The following ZWILCH variants were observed in gnomAD, a reference collection of about 807,000 sequenced individuals.
The protein encoded by ZWILCH is zwilch kinetochore protein, also known as protein zwilch homolog.
A neutral mutation model predicts 79.9 loss-of-function variants in ZWILCH; 74 were observed. That is an observed-to-expected ratio of 0.93 (90% CI 0.77 to 1.12). The LOEUF is 1.12. Among genes scored for constraint, ZWILCH ranks in the 50% most tolerant of loss-of-function variants. The probability of loss-of-function intolerance (pLI) is 0.00; values close to 1 mark genes in which losing one functional copy is unlikely to be tolerated. For synonymous variants in ZWILCH, 241 were observed against 228.2 expected, an observed-to-expected ratio of 1.06 and a Z score of -0.51; for missense variants, 694 against 687.5, an observed-to-expected ratio of 1.01 and a Z score of -0.11.
intron 7 of ZWILCH, chr15:66,523,264 A>C (rs975491213): frequency 6.3e-6 from 1 of 159,542 alleles, no homozygotes; most frequent in Non-Finnish European, 1.4e-5. Flanking sequence ...TAGTTTAGTT[A>C]GAAGGAGTCT....
At chr15:66,523,558 G>C in intron 7 of ZWILCH, 119 bp from the exon 8 acceptor site, 1 of 639,382 alleles carries the variant, frequency 1.6e-6, no homozygotes, top group Non-Finnish European at 2.7e-6. Context: ...TCAATTCATT[G>C]GTCCTTTATG....
At chr15:66,507,558 A>T (rs1388341257) in intron 1 of ZWILCH, among the ~76,000 whole-genome samples, 2 of 152,154 alleles carry the variant, frequency 1.3e-5, no homozygotes, top group African/African-American at 4.8e-5. Context: ...CTAAATTTCT[A>T]CTATAGCTTC....
chr15:66,512,464 C>G (rs1187126693), intron 2 of ZWILCH, among the ~76,000 whole-genome samples: 2 of 151,448 alleles, frequency 1.3e-5, no homozygotes, highest in African/African-American at 4.9e-5. Flanking sequence ...TGTGTTGTAA[C>G]TAGTCTCAAA....
chr15:66,546,820 G>A (rs537156864), intron 18 of ZWILCH, 115 bp downstream of exon 18: 13 of 446,410 alleles, frequency 2.9e-5, no homozygotes, highest in East Asian at 1.5e-4. Flanking sequence ...GGGATTATTA[G>A]TAATCACATA....
chr15:66,539,387 G>A (rs149222914), intron 16 of ZWILCH, among the ~76,000 whole-genome samples: 1,743 of 123,370 alleles, frequency 0.014, 33 homozygotes, highest in African/African-American at 0.052. Context: ...CTGGGTGACA[G>A]AGCAAGACCC....
chr15:66,529,075 A>G, intron 11 of ZWILCH, 118 bp downstream of exon 11: 1 of 725,744 alleles, frequency 1.4e-6, no homozygotes, highest in Non-Finnish European at 2.3e-6. Context: ...TCTTAACTTT[A>G]TCTAATTCAT....
intron 4 of ZWILCH, among the ~76,000 whole-genome samples, chr15:66,516,870 C>G (rs1894282031): frequency 6.6e-6 from 1 of 152,140 alleles, no homozygotes; most frequent in African/African-American, 2.4e-5. Context: ...CATATTTGGC[C>G]TGTTTTCTCC....
At chr15:66,533,084 C>T in intron 14 of ZWILCH, 71 bp downstream of exon 14, 5 of 1,044,978 alleles carry the variant, frequency 4.8e-6, no homozygotes, top group South Asian at 3.3e-5. Context: ...TTATTAACTG[C>T]CAATAATATG....
At chr15:66,515,842 T>A (rs1894231193) in intron 4 of ZWILCH, among the ~76,000 whole-genome samples, 198 bp downstream of exon 4, 1 of 152,176 alleles carries the variant, frequency 6.6e-6, no homozygotes, top group Non-Finnish European at 1.5e-5. Flanking sequence ...ATACTGCACT[T>A]ATCTTCCCTT....
At chr15:66,537,488 C>G (rs945670056) in intron 16 of ZWILCH, among the ~76,000 whole-genome samples, 1 of 151,850 alleles carries the variant, frequency 6.6e-6, no homozygotes, top group Non-Finnish European at 1.5e-5. Flanking sequence ...GTCAGGAGTT[C>G]GAGACCAGCC....
At chr15:66,515,700 T>G (rs1894226139) in intron 4 of ZWILCH, 56 bp downstream of exon 4, 1 of 1,246,602 alleles carries the variant, frequency 8.0e-7, no homozygotes, top group African/African-American at 1.5e-5. Flanking sequence ...ATTGAAACAT[T>G]CTTATAAACG....
At chr15:66,513,540 G>T (rs1264676605) in intron 2 of ZWILCH, among the ~76,000 whole-genome samples, 2 of 151,564 alleles carry the variant, frequency 1.3e-5, no homozygotes, top group Non-Finnish European at 2.9e-5. Context: ...AATAGCCATT[G>T]CACTCCAGCC....
Position 66,550,003 on chromosome 15 carries a change from T to C in ZWILCH, c.*1679T>C, listed in dbSNP as rs769590955. 5.0e-6 allele frequency: 7 copies of C among 1,412,326 alleles called. No individual in the cohort carries two copies. The highest frequency in any genetic ancestry group is 6.8e-6 in the Non-Finnish European group (7 of 1,035,404). 87.5% of individuals were successfully genotyped at this position (1,412,326 alleles called of 1,614,324 possible). A position where few individuals can be genotyped will look rare whatever the true frequency, so the allele number is the denominator to read the frequency against. ...AAATGATATGTATAATTATTTAGTTTAATTATTAAAGGAAAACATTGAAAT... is the reference window on the plus strand; with the variant it reads ...AAATGATATGTATAATTATTTAGTTCAATTATTAAAGGAAAACATTGAAAT... On this transcript the variant is annotated 3_prime_UTR_variant, in exon 19 of 19. Transcript: ENST00000307897.
At chr15:66,522,364 C>T (rs1296587703) in intron 7 of ZWILCH, among the ~76,000 whole-genome samples, 21 of 145,356 alleles carry the variant, frequency 1.4e-4, no homozygotes, top group African/African-American at 4.4e-4. Flanking sequence ...GGCGGAGCCT[C>T]GCTCTGTCTG....
intron 4 of ZWILCH, among the ~76,000 whole-genome samples, chr15:66,516,064 C>G (rs1225638671): frequency 1.3e-5 from 2 of 152,216 alleles, no homozygotes; most frequent in African/African-American, 4.8e-5. Context: ...CCCCACTGGT[C>G]CTCCACCAGG....
chr15:66,529,051 T>C (rs1171480692), intron 11 of ZWILCH, 94 bp downstream of exon 11: 2 of 929,212 alleles, frequency 2.2e-6, no homozygotes, highest in African/African-American at 3.3e-5. Flanking sequence ...ACTAGTTTTG[T>C]GGGGAAGTCT....
At chr15:66,516,225 A>G (rs1894249855) in intron 4 of ZWILCH, among the ~76,000 whole-genome samples, 1 of 152,162 alleles carries the variant, frequency 6.6e-6, no homozygotes, top group Admixed American at 6.5e-5. Flanking sequence ...ATGAGCAGTT[A>G]TCTCACCCCA....
chr15:66,550,129 A>G lies in ZWILCH; in HGVS notation c.*1805A>G. 6.6e-7 allele frequency: 1 copy of G among 1,508,228 alleles called. No homozygotes were observed. Among genetic ancestry groups the G allele is most frequent in the Non-Finnish European group, 9.1e-7 (1 of 1,101,168 alleles). The allele number at this position is 1,508,228 out of a possible 1,614,324, so 93.4% of individuals were successfully genotyped here. On this transcript the variant is annotated 3_prime_UTR_variant, in exon 19 of 19. Coordinates refer to ENST00000307897, the MANE Select transcript of ZWILCH (RefSeq NM_017975.5). ...CCTAATAAAAACCCACTTGATAAGT[A>G]ATGTTGTCTTAGACTAATTTTTTGC...
intron 18 of ZWILCH, 44 bp downstream of exon 18, chr15:66,546,749 A>G: frequency 4.6e-6 from 5 of 1,081,262 alleles, no homozygotes; most frequent in Non-Finnish European, 6.7e-6. Context: ...ATACTTTGTA[A>G]TAAGTACCTT....
Sources: allele counts gnomAD v4.1 joint callset (sites outside exome capture counted in the v4.1 genomes callset), GRCh38; gene constraint gnomAD v4.1.1; transcripts MANE v1.5; gene names NCBI Gene and HGNC (gene_info 2026-07-23, HGNC 2026-07-21).